TMEM267: variants seen among roughly 807,000 people sequenced by gnomAD.
The protein encoded by TMEM267 is transmembrane protein C5orf28.
A neutral mutation model predicts 19.3 loss-of-function variants in TMEM267; 20 were observed. The ratio of observed to expected loss-of-function variants is 1.04; its 90% confidence interval spans 0.73 to 1.51. The LOEUF (loss-of-function observed/expected upper bound fraction) is 1.51, where lower values mean the gene tolerates loss of function less well. Among genes scored for constraint, TMEM267 ranks in the 40% most tolerant of loss-of-function variants. The pLI, the probability that TMEM267 is intolerant of heterozygous loss-of-function variation, is 0.00. For synonymous variants in TMEM267, 88 were observed against 90.3 expected (o/e 0.97, Z 0.15); for missense variants, 242 against 261.9 (o/e 0.92, Z 0.52).
In TMEM267 at chr5:43,482,382, T is replaced by A. The variant is rs1044751948; in HGVS notation, c.-75+1440A>T. Reference sequence around the variant, plus strand: ...TCCTGTATTACTTATTGTCTCTGAATAATACACCTAAGGGTACCCATTTTT... The same window carrying A: ...TCCTGTATTACTTATTGTCTCTGAAAAATACACCTAAGGGTACCCATTTTT... On this transcript the variant is annotated intron_variant, in intron 1 of 2. Coordinates refer to ENST00000397080, the MANE Select transcript of TMEM267 (RefSeq NM_022483.5). Among the ~76,000 whole-genome samples, 7 of 152,330 alleles carry A rather than the reference T, an allele frequency of 4.6e-5. No individual in the cohort carries two copies. In the South Asian group the frequency reaches 1.4e-3, roughly 32 times the overall value.
In TMEM267 at chr5:43,483,200, A is replaced by T. The variant is rs150319428; in HGVS notation, c.-75+622T>A. Among the ~76,000 whole-genome samples, 729 of 152,370 alleles carry T rather than the reference A, an allele frequency of 4.8e-3. 9 individuals carry two copies. The highest frequency in any genetic ancestry group is 0.017 in the African/African-American group (697 of 41,582). The stretch of plus-strand genomic sequence containing the variant: ...GCTTACTTTCACTGAAACTTTTTAT[A>T]GCCATCAGATGTCTGCACTTAAAAT... On this transcript the variant is annotated intron_variant, in intron 1 of 2. Coordinates refer to ENST00000397080, the MANE Select transcript of TMEM267 (RefSeq NM_022483.5).
At chr5:43,453,177 C>T (rs777355271) in intron 2 of TMEM267, among the ~76,000 whole-genome samples, 4 of 152,110 alleles carry the variant, frequency 2.6e-5, no homozygotes, top group Admixed American at 6.6e-5. Context: ...TCAAGTCATT[C>T]CTTAGGACTG....
intron 1 of TMEM267, among the ~76,000 whole-genome samples, chr5:43,475,383 G>A (rs1391639943): frequency 6.6e-6 from 1 of 152,082 alleles, no homozygotes; most frequent in East Asian, 1.9e-4. Flanking sequence ...AGGTGGGTGG[G>A]GGGCTAGGGG....
At chr5:43,450,844 G>GT (rs1742545620) in intron 2 of TMEM267, among the ~76,000 whole-genome samples, 2 of 151,214 alleles carry the variant, frequency 1.3e-5, no homozygotes, top group African/African-American at 4.9e-5. Context: ...GTTTTGTTTT[G>GT]TTTTTTTGAG....
At chr5:43,467,956 ACTT>A (rs1365388615) in intron 1 of TMEM267, among the ~76,000 whole-genome samples, 1 of 152,064 alleles carries the variant, frequency 6.6e-6, no homozygotes, top group African/African-American at 2.4e-5. Flanking sequence ...GAACTGATGT[ACTT>A]CTTATTGATT....
intron 1 of TMEM267, chr5:43,480,096 A>T (rs1453974519): frequency 3.8e-6 from 1 of 261,896 alleles, no homozygotes; most frequent in Non-Finnish European, 7.4e-6. Context: ...ACTTAGCTGG[A>T]CTGAAACAGG....
chr5:43,452,005 G>C (rs549129602), intron 2 of TMEM267, among the ~76,000 whole-genome samples: 40 of 144,764 alleles, frequency 2.8e-4, no homozygotes, highest in Admixed American at 1.3e-3. Flanking sequence ...CTGAGCCCAA[G>C]AGGTTGATGC....
intron 1 of TMEM267, among the ~76,000 whole-genome samples, chr5:43,478,136 C>T (rs531096921): frequency 6.6e-6 from 1 of 152,228 alleles, no homozygotes; most frequent in East Asian, 1.9e-4. Context: ...CTGTCCATAT[C>T]GGTAATCACT....
At chr5:43,456,786 G>A (rs917655528) in intron 1 of TMEM267, among the ~76,000 whole-genome samples, 3 of 152,176 alleles carry the variant, frequency 2.0e-5, no homozygotes, top group Non-Finnish European at 2.9e-5. Context: ...GAACTCATAC[G>A]CTGCTGGTCG....
intron 1 of TMEM267, among the ~76,000 whole-genome samples, chr5:43,471,139 A>G (rs138470621): frequency 2.2e-3 from 340 of 152,286 alleles, no homozygotes; most frequent in African/African-American, 7.8e-3. Context: ...TAGCATTTCA[A>G]TATGACAATA....
intron 1 of TMEM267, among the ~76,000 whole-genome samples, chr5:43,462,702 A>T (rs1037721195): frequency 2.0e-5 from 3 of 152,192 alleles, no homozygotes; most frequent in African/African-American, 7.2e-5. Flanking sequence ...AGAATTAGTG[A>T]GCTTGAAGCC....
rs548387498 is a variant in TMEM267, at chr5:43,475,527, A to T, written c.-75+8295T>A. On this transcript the variant is annotated intron_variant, in intron 1 of 2. Coordinates refer to ENST00000397080, the MANE Select transcript of TMEM267 (RefSeq NM_022483.5). ...TACCCCAGAACTTAAAGTATAATTTAAAAAAAAGTCAGAAACAGTATAGCT... is the reference window on the plus strand; with the variant it reads ...TACCCCAGAACTTAAAGTATAATTTTAAAAAAAGTCAGAAACAGTATAGCT... Among the ~76,000 whole-genome samples, 244 of 152,228 alleles carry T rather than the reference A, an allele frequency of 1.6e-3. 9 individuals are homozygous for T. The highest frequency in any genetic ancestry group is 1.1e-3 in the Non-Finnish European group (76 of 68,014).
At chr5:43,465,836 G>A (rs1193963126) in intron 1 of TMEM267, among the ~76,000 whole-genome samples, 1 of 151,982 alleles carries the variant, frequency 6.6e-6, no homozygotes, top group African/African-American at 2.4e-5. Flanking sequence ...GATAGCATTA[G>A]GACATATACC....
intron 1 of TMEM267, among the ~76,000 whole-genome samples, chr5:43,469,294 C>G (rs1743925817): frequency 1.3e-5 from 2 of 151,756 alleles, no homozygotes; most frequent in African/African-American, 4.8e-5. Flanking sequence ...AAAAGTTAAA[C>G]AAAGACACAC....
At chr5:43,475,572 G>A (rs1231853326) in intron 1 of TMEM267, among the ~76,000 whole-genome samples, 3 of 152,014 alleles carry the variant, frequency 2.0e-5, no homozygotes, top group South Asian at 4.1e-4. Flanking sequence ...TCGTTTTGGC[G>A]GTTTTAATCA....
intron 1 of TMEM267, among the ~76,000 whole-genome samples, chr5:43,469,158 G>A (rs1172483057): frequency 2.0e-5 from 3 of 151,902 alleles, no homozygotes; most frequent in Non-Finnish European, 4.4e-5. Flanking sequence ...ATCTTAACTA[G>A]AAAAGCAAGA....
rs999576156 is a variant in TMEM267, at chr5:43,444,336, C to T, written c.*1886G>A. 6.6e-6 allele frequency: 1 copy of T among 152,180 alleles called. No individual in the cohort carries two copies. Among genetic ancestry groups the T allele is most frequent in the Admixed American group, 6.5e-5 (1 of 15,274 alleles). The allele number at this position is 152,180 out of a possible 1,614,324, so 9.4% of individuals were successfully genotyped here. A position where few individuals can be genotyped will look rare whatever the true frequency, so the allele number is the denominator to read the frequency against. On this transcript the variant is annotated 3_prime_UTR_variant, in exon 3 of 3. Transcript: ENST00000397080. ...TGTCACACAGGCTGCAGTGCAGTGG[C>T]CCCATCTCAGCTCACTACAACCTCT...
At chr5:43,466,359 G>A (rs1217504260) in intron 1 of TMEM267, among the ~76,000 whole-genome samples, 1 of 152,138 alleles carries the variant, frequency 6.6e-6, no homozygotes, top group African/African-American at 2.4e-5. Context: ...TCTTAAAAGT[G>A]CTGAAGGAAA....
At chr5:43,453,539 C>A in intron 2 of TMEM267, 119 bp downstream of exon 2, 1 of 872,002 alleles carries the variant, frequency 1.1e-6, no homozygotes, top group Non-Finnish European at 1.7e-6. Flanking sequence ...AAAAAGGTTA[C>A]ATGAATGTGC....
Sources: allele counts gnomAD v4.1 joint callset (sites outside exome capture counted in the v4.1 genomes callset), GRCh38; gene constraint gnomAD v4.1.1; transcripts MANE v1.5; gene names NCBI Gene and HGNC (gene_info 2026-07-23, HGNC 2026-07-21).